Variants in CFTR observed in about 807,000 individuals in gnomAD.
CFTR encodes CF transmembrane conductance regulator, also known as cystic fibrosis transmembrane conductance regulator.
Under a neutral mutation model 171.6 loss-of-function variants are expected in CFTR, and 181 were observed. The ratio of observed to expected loss-of-function variants is 1.05; its 90% CI spans 0.93 to 1.19. CFTR has a LOEUF of 1.19. CFTR is among the 50% of genes most tolerant of loss of function. The pLI, the probability that CFTR is intolerant of heterozygous loss-of-function variation, is 0.00. For synonymous variants in CFTR, 583 were observed against 608.0 expected (o/e 0.96, Z 0.60); for missense variants, 1,968 against 1,734.7 (o/e 1.13, Z -2.39).
chr7:117,603,718 A>G lies in CFTR; in HGVS notation c.2844A>G (p.Leu948=). The G allele has an allele frequency of 6.2e-7, 1 of 1,614,058 alleles. No homozygotes were observed. Among genetic ancestry groups the G allele is most frequent in the Admixed American group, 1.7e-5 (1 of 59,996 alleles). Residue 948 remains leucine, a synonymous_variant, in exon 17 of 27, where the codon TTA becomes TTG. Transcript: ENST00000003084. The part of the protein sequence containing the change: ...VHTLITVSKI[L]HHKMLHSVLQ... Reference sequence around the variant, plus strand: ...CTCTAATCACAGTGTCGAAAATTTTACACCACAAAATGTTACATTCTGTTC... The same window carrying G: ...CTCTAATCACAGTGTCGAAAATTTTGCACCACAAAATGTTACATTCTGTTC...
chr7:117,638,844 C>A (rs1792869635), intron 22 of CFTR, among the ~76,000 whole-genome samples: 1 of 151,966 alleles, frequency 6.6e-6, no homozygotes, highest in Non-Finnish European at 1.5e-5. Flanking sequence ...TACTGCCTTG[C>A]CTTTAGAACT....
chr7:117,551,185 A>G (rs974533961), intron 10 of CFTR, among the ~76,000 whole-genome samples: 1 of 152,186 alleles, frequency 6.6e-6, no homozygotes, highest in African/African-American at 2.4e-5. Flanking sequence ...ATGTTGAATA[A>G]TAGGGGTTTG....
intron 6 of CFTR, among the ~76,000 whole-genome samples, chr7:117,535,829 C>T (rs150065441): frequency 1.3e-5 from 2 of 152,156 alleles, no homozygotes; most frequent in East Asian, 1.9e-4. Context: ...CTACCGCGCC[C>T]GGCCTAAAAA....
intron 9 of CFTR, among the ~76,000 whole-genome samples, chr7:117,544,428 C>A (rs536096436): frequency 6.6e-6 from 1 of 152,278 alleles, no homozygotes; most frequent in East Asian, 1.9e-4. Flanking sequence ...GATCTGTTCA[C>A]CCCCAGTAGA....
At chr7:117,611,480 A>G in intron 19 of CFTR, 101 bp from the exon 20 acceptor site, 1 of 771,506 alleles carries the variant, frequency 1.3e-6, no homozygotes, top group South Asian at 1.5e-5. Context: ...GACATTTGTG[A>G]TATGATTATT....
intron 1 of CFTR, among the ~76,000 whole-genome samples, chr7:117,503,859 C>T (rs1387016939): frequency 1.3e-5 from 2 of 152,108 alleles, no homozygotes; most frequent in African/African-American, 4.8e-5. Flanking sequence ...ATGTCTTATT[C>T]AGAGTTTTTT....
At chr7:117,622,280 T>A (rs559059121) in intron 21 of CFTR, among the ~76,000 whole-genome samples, 28 of 152,256 alleles carry the variant, frequency 1.8e-4, no homozygotes, top group Middle Eastern at 3.4e-3. Flanking sequence ...TTCAAGAACA[T>A]GTTTTGGGCA....
intron 9 of CFTR, among the ~76,000 whole-genome samples, chr7:117,547,735 G>A (rs1799169945): frequency 6.6e-6 from 1 of 152,108 alleles, no homozygotes; most frequent in African/African-American, 2.4e-5. Flanking sequence ...TTGAGTCCCA[G>A]AGGTTTTCCT....
At chr7:117,578,188 A>G (rs536509786) in intron 11 of CFTR, among the ~76,000 whole-genome samples, 1 of 149,206 alleles carries the variant, frequency 6.7e-6, no homozygotes, top group South Asian at 2.1e-4. Context: ...ACTTACACGT[A>G]TTTTTTTTTT....
intron 3 of CFTR, among the ~76,000 whole-genome samples, chr7:117,518,112 T>A (rs1342646674): frequency 6.6e-6 from 1 of 151,952 alleles, no homozygotes; most frequent in East Asian, 1.9e-4. Context: ...ACATAGCAAG[T>A]GCTCTCTCTA....
chr7:117,540,903 A>G (rs1264899003), intron 8 of CFTR, among the ~76,000 whole-genome samples: 2 of 152,100 alleles, frequency 1.3e-5, no homozygotes, highest in Non-Finnish European at 2.9e-5. Flanking sequence ...AAAAATTTGT[A>G]TTGGTTGCCA....
At position 117,667,445 on chromosome 7, in the gene CFTR, G is replaced by C; in HGVS notation, c.*337G>C. On this transcript the variant is annotated 3_prime_UTR_variant, in exon 27 of 27. Transcript: ENST00000003084. ...GCTCTAAATGTCAATCAGCCTAGTT[G>C]ATCAGCTTATTGTCTAGTGAAACTC... 2.7e-6 allele frequency: 1 copy of C among 366,754 alleles called. No individual in the cohort carries two copies. 22.7% of individuals were successfully genotyped at this position (366,754 alleles called of 1,614,324 possible). A position where few individuals can be genotyped will look rare whatever the true frequency, so the allele number is the denominator to read the frequency against.
chr7:117,610,457 ACT>A, intron 18 of CFTR, 60 bp from the exon 19 acceptor site: 1 of 1,438,038 alleles, frequency 7.0e-7, no homozygotes, highest in Non-Finnish European at 9.8e-7. Flanking sequence ...TCACTGACAC[ACT>A]TTGTCCACTT....
At chr7:117,540,541 G>A (rs1229242885) in intron 8 of CFTR, among the ~76,000 whole-genome samples, 195 bp downstream of exon 8, 1 of 152,152 alleles carries the variant, frequency 6.6e-6, no homozygotes, top group Non-Finnish European at 1.5e-5. Context: ...ACAGTATGAT[G>A]GATGAGAGTG....
At chr7:117,585,166 C>T (rs1470173258) in intron 11 of CFTR, among the ~76,000 whole-genome samples, 1 of 151,638 alleles carries the variant, frequency 6.6e-6, no homozygotes, top group Non-Finnish European at 1.5e-5. Flanking sequence ...ACAATTTTTG[C>T]TTCTCCAATT....
intron 3 of CFTR, among the ~76,000 whole-genome samples, chr7:117,525,562 G>A (rs1364281875): frequency 2.4e-5 from 2 of 84,222 alleles, no homozygotes; most frequent in South Asian, 4.9e-4. Context: ...GAATCTGGGT[G>A]CTCCTGTATT....
rs1369997265 is a variant in CFTR at position 117,612,026 on chromosome 7, TATATATATATATATATATATATATATAC to T, written c.3367+232_3367+259del. On this transcript the variant is annotated intron_variant, in intron 20 of 26. Coordinates refer to ENST00000003084, the MANE Select transcript of CFTR (RefSeq NM_000492.4). ...AATCGGATATATATATATATATGTATATATATATATATATATATATATATATACATATATATATATAGTATTATCCCTG... is the reference window on the plus strand; with the variant it reads ...AATCGGATATATATATATATATGTATATATATATATATAGTATTATCCCTG... Among the ~76,000 whole-genome samples, 24 of 59,788 alleles carry T rather than the reference TATATATATATATATATATATATATATAC, an allele frequency of 4.0e-4. 1 individual carries two copies. Among genetic ancestry groups the T allele is most frequent in the East Asian group, 3.0e-3 (10 of 3,306 alleles). 39.2% of individuals were successfully genotyped at this position (59,788 alleles called of 152,430 possible). A position where few individuals can be genotyped will look rare whatever the true frequency, so the allele number is the denominator to read the frequency against.
chr7:117,649,319 T>C (rs1166747560), intron 23 of CFTR, among the ~76,000 whole-genome samples: 2 of 149,968 alleles, frequency 1.3e-5, no homozygotes, highest in African/African-American at 4.9e-5. Flanking sequence ...TGTGTGTGTA[T>C]ATATATATGG....
At chr7:117,483,235 C>T (rs1798025418) in intron 1 of CFTR, among the ~76,000 whole-genome samples, 1 of 152,078 alleles carries the variant, frequency 6.6e-6, no homozygotes, top group Admixed American at 6.5e-5. Flanking sequence ...AAACATTTGC[C>T]TTTGATCAAA....
Sources: allele counts gnomAD v4.1 joint callset (sites outside exome capture counted in the v4.1 genomes callset), GRCh38; gene constraint gnomAD v4.1.1; transcripts MANE v1.5; gene names NCBI Gene and HGNC (gene_info 2026-07-23, HGNC 2026-07-21).